The following SLC25A21 variants were observed in gnomAD, a reference collection of about 807,000 sequenced individuals.
The protein encoded by SLC25A21 is mitochondrial 2-oxodicarboxylate carrier.
Under a neutral mutation model 43.8 loss-of-function variants are expected in SLC25A21, and 47 were observed. The observed-to-expected ratio is 1.07, with a 90% CI of 0.85 to 1.37. SLC25A21 has a LOEUF of 1.37. Ranked by LOEUF, SLC25A21 falls within the 40% of genes most tolerant of loss-of-function variation. The pLI, the probability that SLC25A21 is intolerant of heterozygous loss-of-function variation, is 0.00. For synonymous variants in SLC25A21, 131 were observed against 121.3 expected (o/e 1.08, Z -0.52); for missense variants, 352 against 350.2 (o/e 1.00, Z -0.04).
intron 2 of SLC25A21, among the ~76,000 whole-genome samples, chr14:36,846,748 T>C (rs536509907): frequency 3.3e-5 from 5 of 152,290 alleles, no homozygotes; most frequent in Admixed American, 3.3e-4. Flanking sequence ...GTGTTGAATA[T>C]ATAGCAAATG....
chr14:36,723,757 C>A (rs2139209222), intron 6 of SLC25A21, among the ~76,000 whole-genome samples: 1 of 152,330 alleles, frequency 6.6e-6, no homozygotes, highest in Admixed American at 6.5e-5. Context: ...AGAACATTAG[C>A]ATGAGCCGAG....
chr14:37,033,870 C>T (rs1037567755), intron 1 of SLC25A21, among the ~76,000 whole-genome samples: 1 of 152,104 alleles, frequency 6.6e-6, no homozygotes, highest in Non-Finnish European at 1.5e-5. Flanking sequence ...AAGGAACTTG[C>T]TGTTACAGGT....
intron 3 of SLC25A21, among the ~76,000 whole-genome samples, chr14:36,759,198 C>T (rs1260526838): frequency 6.6e-6 from 1 of 152,154 alleles, no homozygotes; most frequent in African/African-American, 2.4e-5. Context: ...GCAGGCCTGC[C>T]TTCACATCTC....
chr14:37,087,743 G>A (rs1173078491), intron 1 of SLC25A21, among the ~76,000 whole-genome samples: 1 of 152,210 alleles, frequency 6.6e-6, no homozygotes, highest in Non-Finnish European at 1.5e-5. Context: ...ACAACCATGA[G>A]TGAGTCTGTA....
chr14:37,087,669 T>C (rs750740731), intron 1 of SLC25A21, among the ~76,000 whole-genome samples: 1 of 152,212 alleles, frequency 6.6e-6, no homozygotes, highest in Non-Finnish European at 1.5e-5. Flanking sequence ...CAAGCTATCA[T>C]CTTTGGTAAA....
In SLC25A21 at chr14:37,172,403, C is replaced by G; in HGVS notation, c.-53G>C. On this transcript the variant is annotated 5_prime_UTR_variant, in exon 1 of 10. Transcript: ENST00000331299. Reference sequence around the variant, plus strand: ...GGGCTGAGATGCGTCAACGAGCTCGCAGCCTGCACAGCCTACTGATCCAGA... The same window carrying G: ...GGGCTGAGATGCGTCAACGAGCTCGGAGCCTGCACAGCCTACTGATCCAGA... 1 of 1,518,438 alleles carries G rather than the reference C, an allele frequency of 6.6e-7. No individual in the cohort carries two copies. The highest frequency in any genetic ancestry group is 9.0e-7 in the Non-Finnish European group (1 of 1,115,088). The allele number at this position is 1,518,438 out of a possible 1,614,324, so 94.1% of individuals were successfully genotyped here. A position where few individuals can be genotyped will look rare whatever the true frequency, so the allele number is the denominator to read the frequency against.
chr14:37,026,081 G>A (rs1317925161), intron 1 of SLC25A21, among the ~76,000 whole-genome samples: 1 of 152,008 alleles, frequency 6.6e-6, no homozygotes, highest in South Asian at 2.1e-4. Context: ...AAGACTAGAC[G>A]TCCTAAAAAA....
chr14:37,124,748 T>C (rs1963268316), intron 1 of SLC25A21, among the ~76,000 whole-genome samples: 1 of 152,210 alleles, frequency 6.6e-6, no homozygotes, highest in Non-Finnish European at 1.5e-5. Flanking sequence ...GGGAGGTGAC[T>C]GGATCTTAAA....
Position 36,922,070 on chromosome 14 carries a change from T to C in SLC25A21, c.71-47066A>G, listed in dbSNP as rs180773443. 2.1e-4 allele frequency among the ~76,000 whole-genome samples: 32 copies of C among 149,840 alleles called. No individual in the cohort carries two copies. The East Asian group carries it at 4.4e-3, about 20-fold the overall frequency. On this transcript the variant is annotated intron_variant, in intron 1 of 9. Coordinates refer to ENST00000331299, the MANE Select transcript of SLC25A21 (RefSeq NM_030631.4). The stretch of plus-strand genomic sequence containing the variant: ...AGGAGAATCGCTTGAACTCAGGAAG[T>C]AGAGGTTGCACTGAGCCAAGATTGC...
At chr14:36,833,359 G>C (rs1889100542) in intron 2 of SLC25A21, among the ~76,000 whole-genome samples, 1 of 152,162 alleles carries the variant, frequency 6.6e-6, no homozygotes, top group Admixed American at 6.5e-5. Context: ...TGGGTAGAGG[G>C]GAAGTTCAAC....
At chr14:36,853,328 G>A (rs553795695) in intron 2 of SLC25A21, among the ~76,000 whole-genome samples, 16 of 152,298 alleles carry the variant, frequency 1.1e-4, no homozygotes, top group African/African-American at 3.4e-4. Flanking sequence ...TTGTCTGAAC[G>A]CTTCTCATCA....
At chr14:36,975,534 T>A (rs1959850205) in intron 1 of SLC25A21, among the ~76,000 whole-genome samples, 1 of 152,258 alleles carries the variant, frequency 6.6e-6, no homozygotes. Flanking sequence ...AAAGATAAGT[T>A]GTTCGATGAG....
intron 1 of SLC25A21, among the ~76,000 whole-genome samples, chr14:37,115,368 A>C (rs1037067567): frequency 3.3e-5 from 5 of 152,190 alleles, no homozygotes; most frequent in African/African-American, 4.8e-5. Context: ...AAATATCTGA[A>C]TGAATAAACA....
intron 1 of SLC25A21, among the ~76,000 whole-genome samples, chr14:37,081,764 G>A (rs1376525529): frequency 1.3e-5 from 2 of 152,120 alleles, no homozygotes; most frequent in Non-Finnish European, 2.9e-5. Flanking sequence ...TATACAGTAA[G>A]ATGCTGCAAT....
intron 1 of SLC25A21, among the ~76,000 whole-genome samples, chr14:37,005,019 T>C (rs543792885): frequency 3.3e-5 from 5 of 151,528 alleles, no homozygotes; most frequent in African/African-American, 1.2e-4. Context: ...AGAGCCCAGC[T>C]GTGGGTCTCA....
intron 5 of SLC25A21, among the ~76,000 whole-genome samples, chr14:36,727,004 G>A (rs573210979): frequency 6.6e-6 from 1 of 152,290 alleles, no homozygotes; most frequent in East Asian, 1.9e-4. Context: ...AGAGACAGGA[G>A]GTCTAGGTTT....
At position 36,718,386 on chromosome 14, in the gene SLC25A21, A is replaced by G. The variant is rs138064738; in HGVS notation, c.439-6904T>C. 1.0e-3 allele frequency among the ~76,000 whole-genome samples: 152 copies of G among 152,328 alleles called. 2 individuals carry two copies. In the East Asian group the frequency reaches 0.023, roughly 23 times the overall value. On this transcript the variant is annotated intron_variant, in intron 6 of 9. Transcript: ENST00000331299. ...ATTGTTGCCAGACAGTGTTTTACACAGTAATGCAGGAAAAATTTGAACTTA... is the reference window on the plus strand; with the variant it reads ...ATTGTTGCCAGACAGTGTTTTACACGGTAATGCAGGAAAAATTTGAACTTA...
At chr14:37,128,662 A>C (rs1438611837) in intron 1 of SLC25A21, among the ~76,000 whole-genome samples, 1 of 151,364 alleles carries the variant, frequency 6.6e-6, no homozygotes, top group African/African-American at 2.4e-5. Context: ...GGCTCACTGC[A>C]GCCTTGACCT....
intron 1 of SLC25A21, among the ~76,000 whole-genome samples, chr14:37,010,983 T>C (rs1960718158): frequency 6.6e-6 from 1 of 152,056 alleles, no homozygotes; most frequent in South Asian, 2.1e-4. Flanking sequence ...GTCTCCCAGG[T>C]TCAAGCAATT....
Sources: gnomAD v4.1 joint callset for allele counts (sites outside exome capture counted in the v4.1 genomes callset) on GRCh38, gnomAD v4.1.1 for gene constraint, MANE v1.5 for transcripts, NCBI Gene and HGNC (gene_info 2026-07-23, HGNC 2026-07-21) for gene names.